Variants in ADGRL3 observed in about 807,000 individuals in gnomAD.
The protein encoded by ADGRL3 is calcium-independent alpha-latrotoxin receptor 3.
A neutral mutation model predicts 153.5 loss-of-function variants in ADGRL3; 62 were observed. That is an observed-to-expected ratio of 0.40 (90% CI 0.33 to 0.50). The LOEUF is 0.50. Among genes scored for constraint, ADGRL3 ranks in the 20% least tolerant of loss-of-function variants. ADGRL3 has a pLI of 0.47. For missense variants in ADGRL3, 1,641 were observed against 1,859.4 expected (o/e 0.88, Z 2.16); for synonymous variants, 710 against 672.5 (o/e 1.06, Z -0.86).
At chr4:61,481,791 T>G (rs886483856) in intron 2 of ADGRL3, among the ~76,000 whole-genome samples, 1 of 152,084 alleles carries the variant, frequency 6.6e-6, no homozygotes, top group Non-Finnish European at 1.5e-5. Context: ...TTAAATAATA[T>G]TCTTACTCTT....
chr4:61,650,445 G>A (rs962669108), intron 5 of ADGRL3, among the ~76,000 whole-genome samples: 2 of 152,078 alleles, frequency 1.3e-5, no homozygotes, highest in African/African-American at 4.8e-5. Context: ...TATTAACCCT[G>A]TGCTCTTATC....
intron 5 of ADGRL3, among the ~76,000 whole-genome samples, chr4:61,653,400 C>T (rs964707393): frequency 4.6e-5 from 7 of 152,090 alleles, no homozygotes; most frequent in South Asian, 2.1e-4. Flanking sequence ...AAAATATATG[C>T]GTTGTACGCC....
At chr4:61,396,663 T>C (rs2096872200) in intron 2 of ADGRL3, among the ~76,000 whole-genome samples, 1 of 151,972 alleles carries the variant, frequency 6.6e-6, no homozygotes, top group Admixed American at 6.6e-5. Flanking sequence ...CCTTTTCTGT[T>C]GCATCAAAGC....
intron 1 of ADGRL3, among the ~76,000 whole-genome samples, chr4:61,350,012 T>TAA (rs1553909467): frequency 1.3e-5 from 2 of 152,216 alleles, no homozygotes; most frequent in Non-Finnish European, 2.9e-5. Flanking sequence ...TATTTAAGGT[T>TAA]ATCATCTGGC....
intron 8 of ADGRL3, among the ~76,000 whole-genome samples, chr4:61,744,506 C>G (rs1226775336): frequency 6.6e-6 from 1 of 152,128 alleles, no homozygotes; most frequent in Admixed American, 6.5e-5. Context: ...GGGTACTCCT[C>G]TGAGACAAAA....
chr4:61,758,820 C>G (rs527687183), intron 8 of ADGRL3, among the ~76,000 whole-genome samples: 9 of 152,104 alleles, frequency 5.9e-5, no homozygotes, highest in African/African-American at 1.7e-4. Flanking sequence ...GCTGGAACCG[C>G]TTGTTCCTTT....
chr4:61,409,244 A>G (rs1365652177), intron 2 of ADGRL3, among the ~76,000 whole-genome samples: 1 of 144,166 alleles, frequency 6.9e-6, no homozygotes, highest in Non-Finnish European at 1.5e-5. Context: ...TATTAGACAT[A>G]CATAATATAT....
chr4:61,908,403 G>A (rs2098706295), intron 11 of ADGRL3, among the ~76,000 whole-genome samples: 1 of 152,012 alleles, frequency 6.6e-6, no homozygotes, highest in South Asian at 2.1e-4. Context: ...TCAAGACCAG[G>A]CTGGGCAACA....
intron 21 of ADGRL3, among the ~76,000 whole-genome samples, chr4:62,007,921 A>G (rs974613308): frequency 3.3e-5 from 5 of 152,092 alleles, no homozygotes; most frequent in Admixed American, 6.5e-5. Flanking sequence ...AGAACCTGCA[A>G]AGTGGATTGA....
chr4:61,416,895 C>A (rs1294976956), intron 2 of ADGRL3, among the ~76,000 whole-genome samples: 2 of 152,090 alleles, frequency 1.3e-5, no homozygotes, highest in African/African-American at 4.8e-5. Context: ...AATGTAGAAT[C>A]ACTGGGAACC....
chr4:61,397,859 G>C (rs559830501), intron 2 of ADGRL3, among the ~76,000 whole-genome samples: 5 of 151,948 alleles, frequency 3.3e-5, no homozygotes, highest in Admixed American at 2.6e-4. Flanking sequence ...TTACTCCCAA[G>C]ATCACTGGAA....
At chr4:61,215,687 G>A (rs1742383470) in intron 1 of ADGRL3, among the ~76,000 whole-genome samples, 1 of 151,524 alleles carries the variant, frequency 6.6e-6, no homozygotes, top group African/African-American at 2.4e-5. Context: ...GAGTAGCTGG[G>A]ACTGCAGGCG....
chr4:61,935,064 T>C (rs1451416935), intron 14 of ADGRL3, 41 bp downstream of exon 14: 4 of 1,565,184 alleles, frequency 2.6e-6, no homozygotes, highest in Non-Finnish European at 2.6e-6. Context: ...GACACTCTTG[T>C]ATATCAGAAG....
intron 15 of ADGRL3, among the ~76,000 whole-genome samples, chr4:61,936,417 A>G (rs1001300987): frequency 6.6e-6 from 1 of 152,084 alleles, no homozygotes. Context: ...CTTGTAATTA[A>G]AAAAATATTT....
At chr4:61,606,306 T>C (rs2149600415) in intron 5 of ADGRL3, among the ~76,000 whole-genome samples, 1 of 152,348 alleles carries the variant, frequency 6.6e-6, no homozygotes, top group Admixed American at 6.5e-5. Flanking sequence ...AATAGCTTGC[T>C]TATTATGTCA....
At chr4:61,698,806 C>A (rs756340133) in intron 6 of ADGRL3, among the ~76,000 whole-genome samples, 1 of 152,016 alleles carries the variant, frequency 6.6e-6, no homozygotes, top group Non-Finnish European at 1.5e-5. Context: ...ATAGGCTTCC[C>A]GAAAATCCAC....
rs375509098 is a variant in ADGRL3, at chr4:61,958,147, A to G, written c.2805+9871A>G. On this transcript the variant is annotated intron_variant, in intron 17 of 26. Coordinates refer to ENST00000683033, the MANE Select transcript of ADGRL3 (RefSeq NM_001387552.1). ...CTCTTGAAACGTATTTATCTTCTCTAGACTGTGACTTCCTCCTATTAGGGA... is the reference window on the plus strand; with the variant it reads ...CTCTTGAAACGTATTTATCTTCTCTGGACTGTGACTTCCTCCTATTAGGGA... Among the ~76,000 whole-genome samples the G allele has an allele frequency of 1.6e-4, 25 of 152,264 alleles. No individual in the cohort carries two copies. In the South Asian group the frequency reaches 5.2e-3, roughly 32 times the overall value.
intron 2 of ADGRL3, among the ~76,000 whole-genome samples, chr4:61,480,576 A>G (rs1163484456): frequency 6.9e-6 from 1 of 144,568 alleles, no homozygotes; most frequent in Non-Finnish European, 1.5e-5. Flanking sequence ...ACCTGAGGTC[A>G]GGAGTTCGAC....
intron 17 of ADGRL3, among the ~76,000 whole-genome samples, chr4:61,969,566 T>G (rs2099019399): frequency 1.3e-5 from 2 of 152,182 alleles, no homozygotes; most frequent in South Asian, 4.1e-4. Context: ...CATACTCATT[T>G]GCATCACTGA....
Sources: allele counts gnomAD v4.1 joint callset (sites outside exome capture counted in the v4.1 genomes callset), GRCh38; gene constraint gnomAD v4.1.1; transcripts MANE v1.5; gene names NCBI Gene and HGNC (gene_info 2026-07-23, HGNC 2026-07-21).